NRG2: variants seen among roughly 807,000 people sequenced by gnomAD.
NRG2 encodes the protein pro-neuregulin-2, membrane-bound isoform.
A neutral mutation model predicts 73.9 loss-of-function variants in NRG2; 27 were observed. The ratio of observed to expected loss-of-function variants is 0.37; its 90% CI spans 0.27 to 0.50. The LOEUF (loss-of-function observed/expected upper bound fraction) is 0.50. NRG2 is among the 20% of genes least tolerant of loss of function. The pLI is 0.96. For synonymous variants in NRG2, 532 were observed against 541.0 expected (o/e 0.98, Z 0.23); for missense variants, 1,126 against 1,210.1 (o/e 0.93, Z 1.03).
At chr5:139,864,994 T>C (rs772305422) in intron 5 of NRG2, 2 of 875,256 alleles carry the variant, frequency 2.3e-6, no homozygotes, top group South Asian at 2.7e-5. Context: ...TTCCGTCTCC[T>C]CTAAGGAGCG....
intron 2 of NRG2, among the ~76,000 whole-genome samples, chr5:139,884,466 G>A (rs528813735): frequency 2.8e-4 from 42 of 152,316 alleles, no homozygotes; most frequent in African/African-American, 9.6e-4. Context: ...AAGAGGAGTC[G>A]GAAGAGCCCC....
At chr5:139,900,500 G>A (rs1764807168) in intron 1 of NRG2, among the ~76,000 whole-genome samples, 1 of 152,256 alleles carries the variant, frequency 6.6e-6, no homozygotes, top group Non-Finnish European at 1.5e-5. Flanking sequence ...TGTGCTACTG[G>A]CTCAGAAATG....
rs34460247 is a variant in NRG2, at chr5:139,915,024, C to G, written c.701-27513G>C. 6.6e-6 allele frequency among the ~76,000 whole-genome samples: 1 copy of G among 152,148 alleles called. No homozygotes were observed. The highest frequency in any genetic ancestry group is 2.4e-5 in the African/African-American group (1 of 41,424). ...CTCATCTTTCCCATCCTCAAGGTTG[C>G]GATCCCTGCACTCCCATACATGGCC... On this transcript the variant is annotated intron_variant, in intron 1 of 9. Transcript: ENST00000361474. This position sits in a 1 kb window ranked among gnomAD's most constrained non-coding sequence, Gnocchi z 4.0.
chr5:140,043,233 G>C lies in NRG2; in HGVS notation c.-164C>G. The C allele has an allele frequency of 1.4e-6, 1 of 690,046 alleles. No homozygotes were observed. The highest frequency in any genetic ancestry group is 2.3e-6 in the Non-Finnish European group (1 of 435,806). The allele number at this position is 690,046 out of a possible 1,614,324, so 42.7% of individuals were successfully genotyped here. A position where few individuals can be genotyped will look rare whatever the true frequency, so the allele number is the denominator to read the frequency against. On this transcript the variant is annotated 5_prime_UTR_variant, in exon 1 of 10. Transcript: ENST00000361474. The surrounding 1 kb of genome is among the most constrained non-coding windows in gnomAD (Gnocchi z 6.7). ...CTAGGGCAGGGGGCAGGCGGCAAGC[G>C]GGCCGCGATGCGCAGCGCGGCGCAG...
At chr5:139,987,138 G>A (rs1056918264) in intron 1 of NRG2, among the ~76,000 whole-genome samples, 6 of 151,808 alleles carry the variant, frequency 4.0e-5, no homozygotes, top group Admixed American at 3.9e-4. Flanking sequence ...TTGGGAGGCC[G>A]AGGCGGGCAG....
intron 1 of NRG2, among the ~76,000 whole-genome samples, chr5:139,891,645 C>G (rs1374171621): frequency 1.3e-5 from 2 of 150,002 alleles, no homozygotes; most frequent in South Asian, 4.2e-4. Flanking sequence ...AAAAAAGCAG[C>G]TGGATAAAGA....
At chr5:140,040,537 A>C (rs182084438) in intron 1 of NRG2, among the ~76,000 whole-genome samples, 58 of 152,304 alleles carry the variant, frequency 3.8e-4, no homozygotes, top group African/African-American at 1.2e-3. Context: ...GGAGCAGAGA[A>C]GCCAGTTACT....
chr5:139,999,003 G>T (rs1257115017), intron 1 of NRG2, among the ~76,000 whole-genome samples: 1 of 152,060 alleles, frequency 6.6e-6, no homozygotes, highest in African/African-American at 2.4e-5. Flanking sequence ...TCCACTTCCT[G>T]CTTGAAAGTC....
At chr5:139,909,070 C>T (rs1765431378) in intron 1 of NRG2, among the ~76,000 whole-genome samples, 1 of 152,186 alleles carries the variant, frequency 6.6e-6, no homozygotes, top group African/African-American at 2.4e-5. Flanking sequence ...GGGATGGGCC[C>T]AGAGACCACA....
intron 1 of NRG2, among the ~76,000 whole-genome samples, chr5:140,024,559 T>C (rs1405281254): frequency 1.3e-5 from 2 of 152,096 alleles, no homozygotes; most frequent in African/African-American, 2.4e-5. Flanking sequence ...CCGGCCAGAG[T>C]AAAGTGATTT....
At position 139,848,781 on chromosome 5, in the gene NRG2, G is replaced by T. The variant is rs1488928883; in HGVS notation, c.1773-84C>A. 9.7e-5 allele frequency: 79 copies of T among 810,474 alleles called. No homozygotes were observed. The African/African-American group carries it at 1.4e-3, about 15-fold the overall frequency. 50.2% of individuals were successfully genotyped at this position (810,474 alleles called of 1,614,324 possible). ...GGGTTGGGGGTGGGGTAGGGTGGGA[G>T]GGGCGGACCCAGACTTGCCTTAACC... On this transcript the variant is annotated intron_variant, in intron 9 of 9. Transcript: ENST00000361474.
chr5:139,894,285 C>T lies in NRG2; in HGVS notation c.701-6774G>A, dbSNP rs1764415692. On this transcript the variant is annotated intron_variant, in intron 1 of 9. Transcript: ENST00000361474. This position sits in a 1 kb window ranked among gnomAD's most constrained non-coding sequence, Gnocchi z 5.0. ...CTCATGACTAAGGCTGAGCAGTTCCCTTTGCAGGGCAACACCTGGAGACAA... is the reference window on the plus strand; with the variant it reads ...CTCATGACTAAGGCTGAGCAGTTCCTTTTGCAGGGCAACACCTGGAGACAA... Among the ~76,000 whole-genome samples the T allele has an allele frequency of 6.6e-6, 1 of 152,156 alleles. No homozygotes were observed. Among genetic ancestry groups the T allele is most frequent in the South Asian group, 2.1e-4 (1 of 4,830 alleles).
chr5:139,871,472 G>GTAGA (rs1762845161), intron 4 of NRG2, among the ~76,000 whole-genome samples: 1 of 152,134 alleles, frequency 6.6e-6, no homozygotes, highest in African/African-American at 2.4e-5. Flanking sequence ...TGGTGAAAGG[G>GTAGA]TAGACATCAG....
chr5:139,997,594 C>G (rs1758117716), intron 1 of NRG2, among the ~76,000 whole-genome samples: 1 of 152,224 alleles, frequency 6.6e-6, no homozygotes, highest in Non-Finnish European at 1.5e-5. Context: ...AGACTGAGGA[C>G]AGACATGGCA....
chr5:140,010,563 C>T (rs1374471953), intron 1 of NRG2, among the ~76,000 whole-genome samples: 1 of 151,838 alleles, frequency 6.6e-6, no homozygotes, highest in Non-Finnish European at 1.5e-5. Context: ...CTCTGTGCTT[C>T]ATCTCAATTT....
chr5:139,945,548 T>C (rs1009837278), intron 1 of NRG2, among the ~76,000 whole-genome samples: 1 of 152,144 alleles, frequency 6.6e-6, no homozygotes, highest in African/African-American at 2.4e-5. Context: ...TTTTGGTTAC[T>C]ACAGATTTGA....
intron 1 of NRG2, among the ~76,000 whole-genome samples, chr5:139,953,642 G>A (rs566285565): frequency 2.6e-5 from 4 of 152,176 alleles, no homozygotes; most frequent in Non-Finnish European, 5.9e-5. Flanking sequence ...GGTCACAACA[G>A]GCTTCCTGGA....
chr5:139,950,798 C>T (rs1754142490), intron 1 of NRG2, among the ~76,000 whole-genome samples: 2 of 152,162 alleles, frequency 1.3e-5, no homozygotes, highest in African/African-American at 4.8e-5. Flanking sequence ...ACTCCTTTCC[C>T]ACAAACAAAG....
rs534736059 is a variant in NRG2 at position 139,985,912 on chromosome 5, CAG to C, written c.700+56456_700+56457del. Among the ~76,000 whole-genome samples, 293 of 152,274 alleles carry C rather than the reference CAG, an allele frequency of 1.9e-3. 1 individual carries two copies. Among genetic ancestry groups the C allele is most frequent in the African/African-American group, 6.8e-3 (281 of 41,558 alleles). ...GGGAGGAGAGGGGAAGTGACTTTCA[CAG>C]AGTCATACAGTGAGTCAGTGTGCAA... On this transcript the variant is annotated intron_variant, in intron 1 of 9. Transcript: ENST00000361474.
Sources: gnomAD v4.1 joint callset for allele counts (sites outside exome capture counted in the v4.1 genomes callset) on GRCh38, gnomAD v4.1.1 for gene constraint, Gnocchi (gnomAD v3.1) non-coding constraint, MANE v1.5 for transcripts, NCBI Gene and HGNC (gene_info 2026-07-23, HGNC 2026-07-21) for gene names.